The following MDGA2 variants were observed in gnomAD, a reference collection of about 807,000 sequenced individuals.
MDGA2 encodes MAM domain-containing glycosylphosphatidylinositol anchor protein 2.
A neutral mutation model predicts 117.8 loss-of-function variants in MDGA2; 40 were observed. The ratio of observed to expected loss-of-function variants is 0.34; its 90% CI spans 0.26 to 0.44. The LOEUF (loss-of-function observed/expected upper bound fraction) is 0.44. MDGA2 is among the 20% of genes least tolerant of loss of function. The pLI is 1.00. For missense variants in MDGA2, 1,123 were observed against 1,250.6 expected (o/e 0.90, Z 1.54); for synonymous variants, 452 against 439.0 (o/e 1.03, Z -0.37).
intron 1 of MDGA2, among the ~76,000 whole-genome samples, chr14:47,587,789 G>T (rs2138852830): frequency 1.3e-5 from 2 of 151,958 alleles, no homozygotes; most frequent in South Asian, 4.1e-4. Flanking sequence ...TATATTCGCA[G>T]AATTCTGCAT....
chr14:47,511,757 C>A (rs941202232), intron 1 of MDGA2, among the ~76,000 whole-genome samples: 5 of 152,072 alleles, frequency 3.3e-5, no homozygotes, highest in Non-Finnish European at 7.4e-5. Flanking sequence ...GACAAAAACA[C>A]TTTTAAACTA....
intron 1 of MDGA2, among the ~76,000 whole-genome samples, chr14:47,549,656 A>G (rs1248523083): frequency 1.3e-5 from 2 of 152,124 alleles, no homozygotes; most frequent in African/African-American, 2.4e-5. Context: ...GATATGGCCT[A>G]TAAGAATGTA....
At chr14:47,100,697 A>C (rs935943022) in intron 5 of MDGA2, among the ~76,000 whole-genome samples, 9 of 152,298 alleles carry the variant, frequency 5.9e-5, no homozygotes, top group Middle Eastern at 3.4e-3. Context: ...TCTTCATCAA[A>C]CCAAAATGAA....
rs528835813 is a variant in MDGA2 at position 46,854,475 on chromosome 14, A to G, written c.2883+549T>C. ...CAGTGTGGCAGTCTTTACAATTTCTATATCTTTACTGGTAACTCTCTTAGC... is the reference window on the plus strand; with the variant it reads ...CAGTGTGGCAGTCTTTACAATTTCTGTATCTTTACTGGTAACTCTCTTAGC... On this transcript the variant is annotated intron_variant, in intron 15 of 16. Coordinates refer to ENST00000399232, the MANE Select transcript of MDGA2 (RefSeq NM_001113498.3). Among the ~76,000 whole-genome samples, 32 of 151,792 alleles carry G rather than the reference A, an allele frequency of 2.1e-4. No individual in the cohort carries two copies. In the South Asian group the frequency reaches 3.5e-3, roughly 17 times the overall value.
intron 1 of MDGA2, among the ~76,000 whole-genome samples, chr14:47,562,780 G>T (rs1244582761): frequency 1.3e-5 from 2 of 151,920 alleles, no homozygotes; most frequent in Non-Finnish European, 2.9e-5. Flanking sequence ...TTTGGGGTTG[G>T]TTTGCTCTTG....
chr14:47,097,497 C>T (rs1028528472), intron 5 of MDGA2, among the ~76,000 whole-genome samples: 1 of 151,860 alleles, frequency 6.6e-6, no homozygotes, highest in Non-Finnish European at 1.5e-5. Flanking sequence ...TGCAGATATT[C>T]AGTCCTTGTA....
At chr14:47,373,745 C>T (rs34206033) in intron 1 of MDGA2, among the ~76,000 whole-genome samples, 109,546 of 151,778 alleles carry the variant, frequency 0.72, 39,784 homozygotes, top group Middle Eastern at 0.82. Flanking sequence ...AATTAGATTT[C>T]GGTCATAGCT....
chr14:47,613,479 T>TCTCTCTCACACA (rs1023859588), intron 1 of MDGA2, among the ~76,000 whole-genome samples: 2 of 141,088 alleles, frequency 1.4e-5, no homozygotes, highest in African/African-American at 5.4e-5. Context: ...TCTCTCTCTC[T>TCTCTCTCACACA]CACACACACA....
chr14:47,126,601 T>C, intron 5 of MDGA2, among the ~76,000 whole-genome samples: 1 of 152,122 alleles, frequency 6.6e-6, no homozygotes, highest in East Asian at 1.9e-4. Flanking sequence ...TGACATTGAC[T>C]TTATCATGAC....
intron 1 of MDGA2, among the ~76,000 whole-genome samples, chr14:47,318,972 C>G (rs145508060): frequency 1.3e-5 from 2 of 152,178 alleles, no homozygotes; most frequent in Admixed American, 6.5e-5. Flanking sequence ...AGGTCAATAT[C>G]TCTTATGGTA....
chr14:47,513,151 T>A (rs1894677670), intron 1 of MDGA2, among the ~76,000 whole-genome samples: 1 of 152,146 alleles, frequency 6.6e-6, no homozygotes, highest in East Asian at 1.9e-4. Flanking sequence ...ACAGCAGTGT[T>A]ACTGAAGTAA....
intron 1 of MDGA2, among the ~76,000 whole-genome samples, chr14:47,388,474 C>T (rs1346535875): frequency 1.3e-5 from 2 of 152,176 alleles, no homozygotes; most frequent in African/African-American, 4.8e-5. Flanking sequence ...TCTACCTCCA[C>T]CTGAATGCTG....
chr14:47,089,706 A>G (rs1399586239), intron 6 of MDGA2, among the ~76,000 whole-genome samples: 2 of 152,154 alleles, frequency 1.3e-5, no homozygotes, highest in Admixed American at 1.3e-4. Flanking sequence ...CTATGCAGCC[A>G]TAAAAAAGGA....
chr14:47,011,182 C>CA (rs2138534124), intron 8 of MDGA2, among the ~76,000 whole-genome samples: 1 of 151,962 alleles, frequency 6.6e-6, no homozygotes, highest in African/African-American at 2.4e-5. Flanking sequence ...CACAAAAACT[C>CA]ACTCTACTGT....
chr14:47,388,129 T>C (rs1450380262), intron 1 of MDGA2, among the ~76,000 whole-genome samples: 1 of 5,302 alleles, frequency 1.9e-4, no homozygotes, highest in Non-Finnish European at 8.8e-3. Flanking sequence ...TTTTTGTCTT[T>C]ATTGTTTTGA....
chr14:46,990,665 A>G (rs1887053622), intron 8 of MDGA2, among the ~76,000 whole-genome samples: 1 of 152,078 alleles, frequency 6.6e-6, no homozygotes, highest in African/African-American at 2.4e-5. Flanking sequence ...TTAAAAAGCA[A>G]GATCAAAGAT....
At chr14:47,304,138 A>G (rs535366957) in intron 1 of MDGA2, among the ~76,000 whole-genome samples, 3 of 152,268 alleles carry the variant, frequency 2.0e-5, no homozygotes, top group Admixed American at 2.0e-4. Flanking sequence ...TGTGCTCAAT[A>G]TTTTAGCTGC....
intron 1 of MDGA2, among the ~76,000 whole-genome samples, chr14:47,372,522 G>A (rs10137087): frequency 0.35 from 52,696 of 151,590 alleles, 9,592 homozygotes; most frequent in East Asian, 0.57. Context: ...AATCAACAAC[G>A]AAATACACAT....
chr14:47,172,318 A>T (rs1035518409), intron 3 of MDGA2, among the ~76,000 whole-genome samples: 2 of 152,106 alleles, frequency 1.3e-5, no homozygotes, highest in African/African-American at 4.8e-5. Flanking sequence ...ACGCAGCTGG[A>T]GATCTCAGAA....
Sources: gnomAD v4.1 joint callset for allele counts (sites outside exome capture counted in the v4.1 genomes callset) on GRCh38, gnomAD v4.1.1 for gene constraint, MANE v1.5 for transcripts, NCBI Gene and HGNC (gene_info 2026-07-23, HGNC 2026-07-21) for gene names.